The following ATAT1 variants were observed in gnomAD, a reference collection of about 807,000 sequenced individuals.
ATAT1 encodes the protein alpha-tubulin N-acetyltransferase 1.
Under a neutral mutation model 57.2 loss-of-function variants are expected in ATAT1, and 42 were observed. That is an observed-to-expected ratio of 0.73 (90% CI 0.57 to 0.95). The LOEUF is 0.95. Ranked by LOEUF, ATAT1 falls within the 40% of genes least tolerant of loss-of-function variation. The pLI, the probability that ATAT1 is intolerant of heterozygous loss-of-function variation, is 0.00. For synonymous variants in ATAT1, 168 were observed against 187.1 expected, an observed-to-expected ratio of 0.90 and a Z score of 0.83; for missense variants, 454 against 523.7, an observed-to-expected ratio of 0.87 and a Z score of 1.30.
At chr6:30,627,945 C>A (rs764824658) in intron 4 of ATAT1, 34 bp downstream of exon 4, 1 of 1,611,534 alleles carries the variant, frequency 6.2e-7, no homozygotes, top group Non-Finnish European at 8.5e-7. Flanking sequence ...GTTCGTATAC[C>A]TTGGTTTCTG....
intron 10 of ATAT1, among the ~76,000 whole-genome samples, chr6:30,644,977 G>C (rs1344500816): frequency 6.6e-6 from 1 of 152,144 alleles, no homozygotes; most frequent in Non-Finnish European, 1.5e-5. Context: ...CCTTTGCCAA[G>C]ATGTCAAAGC....
At chr6:30,642,739 G>C (rs1488869708) in intron 9 of ATAT1, 29 bp from the exon 10 acceptor site, 1 of 1,412,138 alleles carries the variant, frequency 7.1e-7, no homozygotes, top group Non-Finnish European at 1.0e-6. Flanking sequence ...TTCTTTTTCT[G>C]TCTTGCTCTT....
At chr6:30,645,075 C>T (rs1314480048) in intron 10 of ATAT1, among the ~76,000 whole-genome samples, 5 of 152,144 alleles carry the variant, frequency 3.3e-5, no homozygotes, top group Admixed American at 6.6e-5. Flanking sequence ...TCCACTAAAC[C>T]GCTGGATCTC....
At chr6:30,641,659 T>C (rs1765483133) in intron 8 of ATAT1, 1 of 453,722 alleles carries the variant, frequency 2.2e-6, no homozygotes, top group Non-Finnish European at 2.9e-6. Flanking sequence ...TTTTTTTTTT[T>C]AACCTAATAA....
chr6:30,640,403 C>G lies in ATAT1; in HGVS notation c.528C>G (p.Gly176=). 6.2e-7 allele frequency: 1 copy of G among 1,613,006 alleles called. No individual in the cohort carries two copies. The highest frequency in any genetic ancestry group is 8.5e-7 in the Non-Finnish European group (1 of 1,180,012). ...TGAACAACTTTGTGATCTTTGAAGGCTTCTTTGCCCATCAACATCGTAAGT... is the reference window on the plus strand; with the variant it reads ...TGAACAACTTTGTGATCTTTGAAGGGTTCTTTGCCCATCAACATCGTAAGT... Residue 176 remains glycine, a synonymous_variant, in exon 7 of 13, where the codon GGC becomes GGG. Coordinates refer to ENST00000330083, the MANE Select transcript of ATAT1 (RefSeq NM_001031722.4).
At chr6:30,642,390 C>A in intron 9 of ATAT1, 143 bp downstream of exon 9, 1 of 1,210,058 alleles carries the variant, frequency 8.3e-7, no homozygotes. Flanking sequence ...TGCCTGTAAT[C>A]CCAGCACTTT....
intron 6 of ATAT1, among the ~76,000 whole-genome samples, chr6:30,639,590 C>T (rs1003106296): frequency 6.6e-6 from 1 of 151,826 alleles, no homozygotes; most frequent in Non-Finnish European, 1.5e-5. Context: ...CATTCTGCTG[C>T]CTCAGCCTCC....
In ATAT1 at chr6:30,627,133, G is replaced by A; in HGVS notation, c.-71G>A. On this transcript the variant is annotated 5_prime_UTR_variant, in exon 1 of 13. Transcript: ENST00000330083. ...GCCTTTTTGGTGACCTCTGACCCTG[G>A]GCCTAGTGGGATTGATCAGCGCTTG... 1 of 1,603,814 alleles carries A rather than the reference G, an allele frequency of 6.2e-7. No individual in the cohort carries two copies. Among genetic ancestry groups the A allele is most frequent in the Non-Finnish European group, 8.5e-7 (1 of 1,174,896 alleles).
intron 1 of ATAT1, 23 bp from the exon 2 acceptor site, chr6:30,627,437 C>G: frequency 6.2e-7 from 1 of 1,610,686 alleles, no homozygotes; most frequent in Non-Finnish European, 8.5e-7. Context: ...GTATCTGACT[C>G]TTTATTTCTT....
rs755650165 is a variant in ATAT1, at chr6:30,642,813, C to T, written c.734C>T (p.Pro245Leu). The change falls in exon 10 of 13, where the codon CCT becomes CTT. Residue 245 changes from proline to leucine, a missense_variant. Physicochemically the swap from Pro to Leu is moderately conservative, Grantham distance 98 (BLOSUM62 -3). Transcript: ENST00000330083. ...CCTCCTTGGCCCCTAAACAGGGCCC[C>T]TCGCCGCGCCACACCTCCAGCCCAC... 1.2e-6 allele frequency: 2 copies of T among 1,611,878 alleles called. No individual in the cohort carries two copies. The highest frequency in any genetic ancestry group is 1.7e-6 in the Non-Finnish European group (2 of 1,179,580).
chr6:30,627,108 G>T lies in ATAT1; in HGVS notation c.-96G>T. On this transcript the variant is annotated 5_prime_UTR_variant, in exon 1 of 13. Transcript: ENST00000330083. ...ATCGCCCCTTTTGATGTCCAGGCCT[G>T]CCTTTTTGGTGACCTCTGACCCTGG... The T allele has an allele frequency of 1.9e-6, 3 of 1,577,882 alleles. No homozygotes were observed. Among genetic ancestry groups the T allele is most frequent in the Non-Finnish European group, 1.7e-6 (2 of 1,160,486 alleles).
chr6:30,642,068 C>G, intron 8 of ATAT1, 108 bp from the exon 9 acceptor site: 1 of 1,580,328 alleles, frequency 6.3e-7, no homozygotes, highest in African/African-American at 1.3e-5. Context: ...TCAGGAGGAA[C>G]TGTGGTGTCA....
chr6:30,642,833 G>GGGGCGCCCCCCCCCCCCCCC lies in ATAT1; in HGVS notation c.754_755insGGGCGCCCCCCCCCCCCCCC (p.Ala252GlyfsTer74). 1 of 1,537,878 alleles carries GGGGCGCCCCCCCCCCCCCCC rather than the reference G, an allele frequency of 6.5e-7. No homozygotes were observed. The highest frequency in any genetic ancestry group is 2.4e-5 in the East Asian group (1 of 42,460). On this transcript the variant is annotated frameshift_variant, in exon 10 of 13. Transcript: ENST00000330083. LOFTEE classifies it high-confidence loss of function. Reference sequence around the variant, plus strand: ...GGCCCCTCGCCGCGCCACACCTCCAGCCCACCCACCCCCCCGCTCCAGCAG... The same window carrying GGGGCGCCCCCCCCCCCCCCC: ...GGCCCCTCGCCGCGCCACACCTCCAGGGGCGCCCCCCCCCCCCCCCCCCACCCACCCCCCCGCTCCAGCAG...
intron 6 of ATAT1, among the ~76,000 whole-genome samples, chr6:30,635,283 CCA>C (rs937768908): frequency 1.3e-5 from 2 of 152,038 alleles, no homozygotes; most frequent in African/African-American, 4.8e-5. Context: ...GCAAATGCAA[CCA>C]CAGAGTGACT....
chr6:30,637,924 T>C (rs1365600236), intron 6 of ATAT1, among the ~76,000 whole-genome samples: 1 of 152,218 alleles, frequency 6.6e-6, no homozygotes. Context: ...TGCAGTGAGC[T>C]GAGATCTTGC....
intron 6 of ATAT1, 118 bp downstream of exon 6, chr6:30,628,548 GCT>G (rs1194895597): frequency 1.2e-6 from 1 of 808,568 alleles, no homozygotes; most frequent in Non-Finnish European, 2.0e-6. Context: ...CTACAACCAG[GCT>G]CTTTCTTTCT....
At chr6:30,646,352 G>A (rs1308687903) in intron 12 of ATAT1, 117 bp from the exon 13 acceptor site, 2 of 1,448,094 alleles carry the variant, frequency 1.4e-6, no homozygotes, top group African/African-American at 1.4e-5. Context: ...AATGGTTCCA[G>A]CTTCATACCC....
intron 6 of ATAT1, among the ~76,000 whole-genome samples, chr6:30,629,247 T>C (rs977892301): frequency 2.0e-5 from 3 of 150,432 alleles, no homozygotes; most frequent in Non-Finnish European, 3.0e-5. Context: ...AATTTTTCTT[T>C]TTTTTTTTTT....
At chr6:30,631,792 A>AC (rs5875268) in intron 6 of ATAT1, among the ~76,000 whole-genome samples, 6,712 of 152,132 alleles carry the variant, frequency 0.044, 273 homozygotes, top group African/African-American at 0.11. Flanking sequence ...AAACAAACAA[A>AC]AAAAAAGAGT....
Sources: gnomAD v4.1 joint callset for allele counts (sites outside exome capture counted in the v4.1 genomes callset) on GRCh38, gnomAD v4.1.1 for gene constraint, MANE v1.5 for transcripts, NCBI Gene and HGNC (gene_info 2026-07-23, HGNC 2026-07-21) for gene names.